TJP2: variants seen among roughly 807,000 people sequenced by gnomAD.
TJP2 encodes Friedreich ataxia region gene X104 (tight junction protein ZO-2).
A neutral mutation model predicts 133.1 loss-of-function variants in TJP2; 91 were observed. That is an observed-to-expected ratio of 0.68 (90% CI 0.58 to 0.81). The LOEUF is 0.81. Ranked by LOEUF, TJP2 falls within the 40% of genes least tolerant of loss-of-function variation. TJP2 has a pLI of 0.00. For synonymous variants in TJP2, 592 were observed against 583.4 expected, an observed-to-expected ratio of 1.01 and a Z score of -0.21; for missense variants, 1,541 against 1,565.6, an observed-to-expected ratio of 0.98 and a Z score of 0.26.
chr9:69,145,748 T>C, intron 1 of TJP2: 3 of 1,232,042 alleles, frequency 2.4e-6, no homozygotes, highest in Non-Finnish European at 3.0e-6. Context: ...CAGCAGTTGG[T>C]ATTACCCCAC....
At chr9:69,205,278 T>C (rs529831568) in intron 1 of TJP2, 1 of 1,537,168 alleles carries the variant, frequency 6.5e-7, no homozygotes, top group Non-Finnish European at 8.7e-7. Flanking sequence ...CCAACCTTTC[T>C]TCATGGGAAG....
intron 1 of TJP2, among the ~76,000 whole-genome samples, chr9:69,197,741 C>G (rs755819557): frequency 1.3e-5 from 2 of 152,186 alleles, no homozygotes; most frequent in Non-Finnish European, 2.9e-5. Flanking sequence ...TGCAGATAGG[C>G]AACCAAGTCT....
chr9:69,212,919 G>A (rs1441625326), intron 2 of TJP2, among the ~76,000 whole-genome samples: 1 of 45,828 alleles, frequency 2.2e-5, no homozygotes, highest in Non-Finnish European at 6.5e-5. Flanking sequence ...AGGATGTGGA[G>A]GGAGCTTTTT....
intron 2 of TJP2, among the ~76,000 whole-genome samples, chr9:69,156,251 C>T (rs1823750579): frequency 6.6e-6 from 1 of 152,130 alleles, no homozygotes. Flanking sequence ...GTAATCCCAG[C>T]TTCTTGGGAA....
intron 1 of TJP2, among the ~76,000 whole-genome samples, chr9:69,139,665 A>C (rs1288058722): frequency 6.6e-6 from 1 of 152,206 alleles, no homozygotes; most frequent in Non-Finnish European, 1.5e-5. Context: ...TAATTCAGGC[A>C]GAATAAGAAA....
Position 69,252,839 on chromosome 9 carries a change from G to A in TJP2, c.3346G>A (p.Asp1116Asn), listed in dbSNP as rs1198157853. The A allele has an allele frequency of 3.7e-6, 6 of 1,614,046 alleles. No individual in the cohort carries two copies. The highest frequency in any genetic ancestry group is 5.1e-6 in the Non-Finnish European group (6 of 1,180,042). The change falls in exon 22 of 23, where the codon GAT (aspartate) becomes AAT (asparagine). Residue 1116 changes from aspartate (D) to asparagine (N), a missense_variant. Transcript: ENST00000377245. ...ARIEIAQKHP[D>N]IYAVPIKTHK... Reference sequence around the variant, plus strand: ...GATCGAAATTGCCCAGAAGCATCCTGATATCTATGCAGTTCCAATCAAAAC... The same window carrying A: ...GATCGAAATTGCCCAGAAGCATCCTAATATCTATGCAGTTCCAATCAAAAC...
chr9:69,218,075 G>A (rs958290480), intron 3 of TJP2, among the ~76,000 whole-genome samples, 182 bp from the exon 4 acceptor site: 3 of 152,172 alleles, frequency 2.0e-5, no homozygotes, highest in Non-Finnish European at 4.4e-5. Flanking sequence ...GAGCTGTATG[G>A]CCCCCAGTTC....
Position 69,221,080 on chromosome 9 carries a change from G to A in TJP2, c.536G>A (p.Arg179His), listed in dbSNP as rs765794053. Residue 179 changes from arginine to histidine, a missense_variant, in exon 5 of 23, where the codon CGT (arginine) becomes CAT (histidine). By Grantham distance (29) the Arg-to-His change is conservative. Transcript: ENST00000377245. ...RSWEDSPERG[R>H]PHERARSRER... ...TGGGAGGACAGCCCGGAAAGGGGGC[G>A]TCCCCATGAGCGGGCCCGGAGCCGG... 1.3e-6 allele frequency: 2 copies of A among 1,591,122 alleles called. No individual in the cohort carries two copies. The highest frequency in any genetic ancestry group is 1.7e-6 in the Non-Finnish European group (2 of 1,169,376).
chr9:69,222,802 C>G (rs969720875), intron 5 of TJP2, among the ~76,000 whole-genome samples: 1 of 151,530 alleles, frequency 6.6e-6, no homozygotes, highest in Non-Finnish European at 1.5e-5. Context: ...GGTGCAGTGG[C>G]TCACACCTGT....
rs776650151 is a variant in TJP2, at chr9:69,230,075, AT to A, written c.1521-5del. On this transcript the variant is annotated splice_polypyrimidine_tract_variant and splice_region_variant and intron_variant, in intron 10 of 22. Transcript: ENST00000377245. ...ATCTTTCCTTTCTGAAACGGAACCT[AT>A]TGCAGCCCTAATACCAAAATGGTAA... is the stretch of plus-strand genomic sequence containing the variant. 2.5e-6 allele frequency: 4 copies of A among 1,613,970 alleles called. No homozygotes were observed. Among genetic ancestry groups the A allele is most frequent in the Non-Finnish European group, 3.4e-6 (4 of 1,179,988 alleles).
intron 1 of TJP2, 94 bp downstream of exon 1, chr9:69,174,526 G>C: frequency 1.5e-6 from 2 of 1,361,952 alleles, no homozygotes; most frequent in Non-Finnish European, 2.0e-6. Context: ...CTCTGAAGTT[G>C]TTCCCCGATG....
chr9:69,173,288 C>T (rs1306260803), upstream of TJP2, among the ~76,000 whole-genome samples: 1 of 152,132 alleles, frequency 6.6e-6, no homozygotes, highest in Non-Finnish European at 1.5e-5. Context: ...GATTTCAAAC[C>T]CAAGGTTATA....
chr9:69,231,659 G>A (rs1358914129), intron 11 of TJP2, among the ~76,000 whole-genome samples: 2 of 152,160 alleles, frequency 1.3e-5, no homozygotes, highest in Admixed American at 6.5e-5. Context: ...TTCTGGAGCA[G>A]ATGAAGGGCA....
Position 69,135,199 on chromosome 9 carries a change from C to T in TJP2, c.-131+13474C>T, listed in dbSNP as rs531981930. On this transcript the variant is annotated intron_variant, in intron 1 of 5. Coordinates refer to the TJP2 transcript ENST00000423935. Reference sequence around the variant, plus strand: ...AGCAACCCAGGCCAATAACGATTTGCTGAGTAAATAATCATGGCTGGCACT... The same window carrying T: ...AGCAACCCAGGCCAATAACGATTTGTTGAGTAAATAATCATGGCTGGCACT... 1.1e-4 allele frequency among the ~76,000 whole-genome samples: 16 copies of T among 152,156 alleles called. No homozygotes were observed. The South Asian group carries it at 3.3e-3, about 32-fold the overall frequency.
chr9:69,234,865 C>T lies in TJP2; in HGVS notation c.1780+318C>T, dbSNP rs75342415. The stretch of plus-strand genomic sequence containing the variant: ...AGTTTACATACGACATGTGCAAAGG[C>T]CATGGCTGCTGGCTGGTGCGCCTGT... On this transcript the variant is annotated intron_variant, in intron 12 of 22. Coordinates refer to ENST00000377245, the MANE Select transcript of TJP2 (RefSeq NM_004817.4). Among the ~76,000 whole-genome samples, 559 of 152,292 alleles carry T rather than the reference C, an allele frequency of 3.7e-3. 6 individuals are homozygous for T. The highest frequency in any genetic ancestry group is 0.013 in the African/African-American group (537 of 41,562).
intron 1 of TJP2, among the ~76,000 whole-genome samples, chr9:69,208,766 TAGTTTTTTTTCCTGATAATTTTAA>T (rs553590944): frequency 1.4e-4 from 21 of 152,338 alleles, no homozygotes; most frequent in African/African-American, 4.8e-4. Context: ...TAGTCCCAGT[TAGTTTTTTTTCCTGATAATTTTAA>T]AGTAAGTTTT....
At chr9:69,141,804 G>A (rs1823029896) in intron 1 of TJP2, among the ~76,000 whole-genome samples, 1 of 152,144 alleles carries the variant, frequency 6.6e-6, no homozygotes, top group African/African-American at 2.4e-5. Context: ...GGCCAGGCAG[G>A]TCTTGAACTC....
chr9:69,180,906 C>T (rs547184827), intron 1 of TJP2, among the ~76,000 whole-genome samples: 52 of 152,180 alleles, frequency 3.4e-4, no homozygotes, highest in African/African-American at 1.1e-3. Flanking sequence ...AGCCCTGAGC[C>T]CCTCCCTGGT....
intron 12 of TJP2, among the ~76,000 whole-genome samples, chr9:69,235,487 T>A (rs1003386573): frequency 6.6e-6 from 1 of 151,686 alleles, no homozygotes; most frequent in African/African-American, 2.4e-5. Context: ...CACGCCCGGC[T>A]AATTTTTTGT....
Sources: allele counts gnomAD v4.1 joint callset (sites outside exome capture counted in the v4.1 genomes callset), GRCh38; gene constraint gnomAD v4.1.1; transcripts MANE v1.5; gene names NCBI Gene and HGNC (gene_info 2026-07-23, HGNC 2026-07-21).